Variants in SLC9A2 observed in about 807,000 individuals in gnomAD.
SLC9A2 encodes sodium/hydrogen exchanger 2.
In SLC9A2, 42 loss-of-function variants were observed where a neutral mutation model predicts 71.7. The observed-to-expected ratio is 0.59, with a 90% CI of 0.46 to 0.76. The LOEUF (loss-of-function observed/expected upper bound fraction) is 0.76. SLC9A2 is among the 30% of genes least tolerant of loss of function. SLC9A2 has a pLI of 0.00. For missense variants in SLC9A2, 829 were observed against 1,017.4 expected (o/e 0.81, Z 2.52); for synonymous variants, 396 against 392.5 (o/e 1.01, Z -0.10).
chr2:102,665,439 T>A, intron 3 of SLC9A2, 89 bp downstream of exon 3: 1 of 1,297,710 alleles, frequency 7.7e-7, no homozygotes, highest in Non-Finnish European at 1.1e-6. Context: ...GAATAAGTTA[T>A]ATGAAACACT....
Position 102,709,187 on chromosome 2 carries a change from G to A in SLC9A2, c.*698G>A, listed in dbSNP as rs1678052082. The stretch of plus-strand genomic sequence containing the variant: ...TGTTCCTCTGTCTACTGTGTGTTTG[G>A]GGGTGACATCTAAATTCCATTTCTT... On this transcript the variant is annotated 3_prime_UTR_variant, in exon 12 of 12. Transcript: ENST00000233969. 1 of 152,430 alleles carries A rather than the reference G, an allele frequency of 6.6e-6. No homozygotes were observed. The highest frequency in any genetic ancestry group is 2.1e-4 in the South Asian group (1 of 4,830). 9.4% of individuals were successfully genotyped at this position (152,430 alleles called of 1,614,324 possible). A position where few individuals can be genotyped will look rare whatever the true frequency, so the allele number is the denominator to read the frequency against.
chr2:102,654,066 G>A (rs1676886584), intron 1 of SLC9A2, among the ~76,000 whole-genome samples: 1 of 152,170 alleles, frequency 6.6e-6, no homozygotes, highest in South Asian at 2.1e-4. Context: ...TGGGTTTCAA[G>A]TAAGGGGGCA....
In SLC9A2 at chr2:102,710,611, A is replaced by G. The variant is rs1035285398; in HGVS notation, c.*2122A>G. 6.6e-6 allele frequency: 1 copy of G among 151,930 alleles called. No homozygotes were observed. The highest frequency in any genetic ancestry group is 2.1e-4 in the South Asian group (1 of 4,826). The allele number at this position is 151,930 out of a possible 1,614,324, so 9.4% of individuals were successfully genotyped here. A position where few individuals can be genotyped will look rare whatever the true frequency, so the allele number is the denominator to read the frequency against. The stretch of plus-strand genomic sequence containing the variant: ...TAAATCTTAATTATTATCAGTTTAA[A>G]TTTTTTTTGTTTGTTGAATGACAAA... On this transcript the variant is annotated 3_prime_UTR_variant, in exon 12 of 12. Transcript: ENST00000233969.
intron 3 of SLC9A2, among the ~76,000 whole-genome samples, chr2:102,666,692 G>A (rs755132700): frequency 9.9e-5 from 15 of 152,142 alleles, no homozygotes; most frequent in Admixed American, 2.0e-4. Flanking sequence ...TGAAGGAGGC[G>A]GAGGCTGCTC....
In SLC9A2 at chr2:102,637,229, G is replaced by A. The variant is rs1045709617; in HGVS notation, c.289+17092G>A. On this transcript the variant is annotated intron_variant, in intron 1 of 11. Transcript: ENST00000233969. ...AGAGTTTTCTAAATAAGAATACTCCGCATGTCCAAGGGCAGCTCTCAGTAT... is the reference window on the plus strand; with the variant it reads ...AGAGTTTTCTAAATAAGAATACTCCACATGTCCAAGGGCAGCTCTCAGTAT... Among the ~76,000 whole-genome samples, 6 of 152,232 alleles carry A rather than the reference G, an allele frequency of 3.9e-5. No homozygotes were observed. In the South Asian group the frequency reaches 6.2e-4, roughly 16 times the overall value.
At chr2:102,653,364 T>C (rs1676871856) in intron 1 of SLC9A2, among the ~76,000 whole-genome samples, 1 of 152,232 alleles carries the variant, frequency 6.6e-6, no homozygotes, top group Non-Finnish European at 1.5e-5. Flanking sequence ...GGTTTGTTGC[T>C]GTTCCTCTCT....
At chr2:102,698,525 G>T (rs1677809721) in intron 7 of SLC9A2, among the ~76,000 whole-genome samples, 1 of 152,188 alleles carries the variant, frequency 6.6e-6, no homozygotes, top group African/African-American at 2.4e-5. Context: ...AAGTGCATGA[G>T]TCAAGAGGCT....
chr2:102,664,956 T>G lies in SLC9A2; in HGVS notation c.754-144T>G. Reference sequence around the variant, plus strand: ...CTACAGTATTAAAATATGAGACAAATGAATACACAATGATTGTCATTTTCC... The same window carrying G: ...CTACAGTATTAAAATATGAGACAAAGGAATACACAATGATTGTCATTTTCC... On this transcript the variant is annotated intron_variant, in intron 2 of 11. Coordinates refer to ENST00000233969, the MANE Select transcript of SLC9A2 (RefSeq NM_003048.6). The G allele has an allele frequency of 3.6e-6, 3 of 841,950 alleles. No homozygotes were observed. In the South Asian group the frequency reaches 5.3e-5, roughly 15 times the overall value. 52.2% of individuals were successfully genotyped at this position (841,950 alleles called of 1,614,324 possible).
At chr2:102,698,251 T>A (rs1677804921) in intron 7 of SLC9A2, among the ~76,000 whole-genome samples, 1 of 152,178 alleles carries the variant, frequency 6.6e-6, no homozygotes, top group South Asian at 2.1e-4. Context: ...ACCAAGCACA[T>A]TCAGGATGGC....
chr2:102,647,857 A>G (rs562732488), intron 1 of SLC9A2, among the ~76,000 whole-genome samples: 1 of 110,554 alleles, frequency 9.0e-6, no homozygotes, highest in East Asian at 4.7e-4. Flanking sequence ...TTAATAGCCT[A>G]CCAACAAAAA....
intron 1 of SLC9A2, among the ~76,000 whole-genome samples, chr2:102,643,152 T>A (rs1013995287): frequency 6.6e-6 from 1 of 152,232 alleles, no homozygotes; most frequent in Non-Finnish European, 1.5e-5. Flanking sequence ...GGTTGCCTTG[T>A]GGCTGGACTA....
chr2:102,706,201 C>G lies in SLC9A2; in HGVS notation c.2068+265C>G, dbSNP rs1175349135. Reference sequence around the variant, plus strand: ...GGGCGCGGTGGCGGGCGCCTGTAGTCCCAGCTACTCGGGAGGCTGAGGCAG... The same window carrying G: ...GGGCGCGGTGGCGGGCGCCTGTAGTGCCAGCTACTCGGGAGGCTGAGGCAG... On this transcript the variant is annotated intron_variant, in intron 11 of 11. Transcript: ENST00000233969. Among the ~76,000 whole-genome samples, 2 of 53,496 alleles carry G rather than the reference C, an allele frequency of 3.7e-5. 1 individual carries two copies. The highest frequency in any genetic ancestry group is 7.8e-5 in the Non-Finnish European group (2 of 25,714). 35.1% of individuals were successfully genotyped at this position (53,496 alleles called of 152,430 possible).
intron 3 of SLC9A2, among the ~76,000 whole-genome samples, chr2:102,673,457 T>G (rs1677292140): frequency 6.6e-6 from 1 of 152,172 alleles, no homozygotes; most frequent in Non-Finnish European, 1.5e-5. Context: ...AGAGGTATAT[T>G]GGGAATCTTT....
At chr2:102,679,442 C>G (rs954020851) in intron 3 of SLC9A2, among the ~76,000 whole-genome samples, 1 of 150,704 alleles carries the variant, frequency 6.6e-6, no homozygotes, top group East Asian at 1.9e-4. Flanking sequence ...AGTGCAGTGG[C>G]GCGATCTCAG....
At chr2:102,628,313 A>G (rs1012047344) in intron 1 of SLC9A2, among the ~76,000 whole-genome samples, 4 of 152,128 alleles carry the variant, frequency 2.6e-5, no homozygotes, top group Non-Finnish European at 5.9e-5. Context: ...TTCTGAAAGG[A>G]TTTCTTAACA....
chr2:102,684,847 A>G (rs1040032237), intron 5 of SLC9A2, among the ~76,000 whole-genome samples: 7 of 152,186 alleles, frequency 4.6e-5, no homozygotes, highest in Admixed American at 1.3e-4. Flanking sequence ...AGAAGATTAT[A>G]TTTTGCAGAT....
chr2:102,658,081 T>A (rs979880192), intron 2 of SLC9A2, 54 bp downstream of exon 2: 5 of 1,372,772 alleles, frequency 3.6e-6, no homozygotes, highest in African/African-American at 2.9e-5. Context: ...CCCAGCCACC[T>A]GCAGTGGCTC....
Position 102,620,064 on chromosome 2 carries a change from G to A in SLC9A2, c.216G>A (p.Thr72=), listed in dbSNP as rs757625906. 6.2e-7 allele frequency: 1 copy of A among 1,614,070 alleles called. No homozygotes were observed. Among genetic ancestry groups the A allele is most frequent in the Non-Finnish European group, 8.5e-7 (1 of 1,180,010 alleles). The change falls in exon 1 of 12, where the codon ACG becomes ACA. Residue 72 remains threonine, a synonymous_variant. Transcript: ENST00000233969. ...AGGAGAGCCGGCTGCCTGTGTTTAC[G>A]CTGGATTACCCCCACGTGCAGATCC... ...LFEESRLPVF[T]LDYPHVQIPF... is the part of the protein sequence containing the mutation.
At chr2:102,651,878 A>G (rs1014072363) in intron 1 of SLC9A2, among the ~76,000 whole-genome samples, 1 of 152,176 alleles carries the variant, frequency 6.6e-6, no homozygotes, top group African/African-American at 2.4e-5. Flanking sequence ...TTCTTGATGT[A>G]TAAAGGTTTG....
Sources: allele counts gnomAD v4.1 joint callset (sites outside exome capture counted in the v4.1 genomes callset), GRCh38; gene constraint gnomAD v4.1.1; transcripts MANE v1.5; gene names NCBI Gene and HGNC (gene_info 2026-07-23, HGNC 2026-07-21).